The following ABCA6 variants were observed in gnomAD, a reference collection of about 807,000 sequenced individuals.
ABCA6 encodes the protein ATP binding cassette subfamily A member 6.
ABCA6 carries 164 observed loss-of-function variants against 191.2 expected under a neutral mutation model. The ratio of observed to expected loss-of-function variants is 0.86; its 90% CI spans 0.76 to 0.98. The LOEUF is 0.98. Among genes scored for constraint, ABCA6 ranks in the 50% least tolerant of loss-of-function variants. The pLI, the probability that ABCA6 is intolerant of heterozygous loss-of-function variation, is 0.00. For missense variants in ABCA6, 1,958 were observed against 1,894.1 expected (o/e 1.03, Z -0.63); for synonymous variants, 636 against 647.7 (o/e 0.98, Z 0.27).
At chr17:69,118,026 T>G in intron 10 of ABCA6, 70 bp from the exon 11 acceptor site, 1 of 1,080,886 alleles carries the variant, frequency 9.3e-7, no homozygotes, top group Non-Finnish European at 1.4e-6. Context: ...TTTATAGCCC[T>G]AGTCATAGTG....
At chr17:69,132,368 T>C (rs1270399827) in intron 6 of ABCA6, among the ~76,000 whole-genome samples, 4 of 152,218 alleles carry the variant, frequency 2.6e-5, no homozygotes, top group Non-Finnish European at 5.9e-5. Flanking sequence ...TTGATAGTAT[T>C]GCAAAAGCCT....
intron 3 of ABCA6, among the ~76,000 whole-genome samples, chr17:69,136,555 GA>G (rs1328749285): frequency 6.6e-6 from 1 of 152,158 alleles, no homozygotes; most frequent in Non-Finnish European, 1.5e-5. Context: ...TACAAAAACA[GA>G]ATTAATTGTT....
chr17:69,119,264 C>T (rs914898877), intron 10 of ABCA6, among the ~76,000 whole-genome samples: 1 of 152,070 alleles, frequency 6.6e-6, no homozygotes, highest in Non-Finnish European at 1.5e-5. Context: ...AAACCCATTT[C>T]CCCATCACGC....
intron 7 of ABCA6, 70 bp downstream of exon 7, chr17:69,129,540 G>C (rs1285834524): frequency 4.5e-6 from 6 of 1,320,692 alleles, no homozygotes; most frequent in Admixed American, 2.2e-5. Context: ...TAACCTACTA[G>C]GGCATTAATA....
chr17:69,137,182 T>C lies in ABCA6; in HGVS notation c.301+114A>G, dbSNP rs576432796. 34 of 954,916 alleles carry C rather than the reference T, an allele frequency of 3.6e-5. No individual in the cohort carries two copies. The South Asian group carries it at 5.7e-4, about 16-fold the overall frequency. 59.2% of individuals were successfully genotyped at this position (954,916 alleles called of 1,614,324 possible). A position where few individuals can be genotyped will look rare whatever the true frequency, so the allele number is the denominator to read the frequency against. On this transcript the variant is annotated intron_variant, in intron 3 of 38. Coordinates refer to ENST00000284425, the MANE Select transcript of ABCA6 (RefSeq NM_080284.3). Reference sequence around the variant, plus strand: ...TAACCAGATTTGTATGCTATTTTAGTACTTAAGTTATTAGCATAATATATG... The same window carrying C: ...TAACCAGATTTGTATGCTATTTTAGCACTTAAGTTATTAGCATAATATATG...
chr17:69,108,668 T>C (rs895617047), intron 17 of ABCA6: 5 of 152,170 alleles, frequency 3.3e-5, no homozygotes, highest in Non-Finnish European at 1.5e-5. Flanking sequence ...AGAAGACTCT[T>C]AGATGCTACT....
Position 69,078,937 on chromosome 17 carries a change from A to G in ABCA6, c.*36T>C. 1 of 1,313,928 alleles carries G rather than the reference A, an allele frequency of 7.6e-7. No individual in the cohort carries two copies. The highest frequency in any genetic ancestry group is 1.1e-6 in the Non-Finnish European group (1 of 926,622). 81.4% of individuals were successfully genotyped at this position (1,313,928 alleles called of 1,614,324 possible). ...TAATTATTACATAAAACATGAGTTT[A>G]TAGGAGATCAACAAAAAATTACTAG... On this transcript the variant is annotated 3_prime_UTR_variant, in exon 39 of 39. Coordinates refer to ENST00000284425, the MANE Select transcript of ABCA6 (RefSeq NM_080284.3).
At chr17:69,134,996 C>T (rs1000664171) in intron 4 of ABCA6, among the ~76,000 whole-genome samples, 1 of 148,432 alleles carries the variant, frequency 6.7e-6, no homozygotes, top group Middle Eastern at 3.6e-3. Flanking sequence ...GATTCTCCTA[C>T]CTCAGCCTCC....
rs58333377 is a variant in ABCA6, at chr17:69,134,888, CTT to C, written c.461-148_461-147del. ...GGTGTTTCGTTTTTGTTGTGGTTGT[CTT>C]TTTTTTTTTGGAGATGAAGTCTCAC... On this transcript the variant is annotated intron_variant, in intron 4 of 38. Coordinates refer to ENST00000284425, the MANE Select transcript of ABCA6 (RefSeq NM_080284.3). 7.7e-5 allele frequency: 24 copies of C among 312,814 alleles called. 1 individual carries two copies. The highest frequency in any genetic ancestry group is 2.3e-4 in the East Asian group (2 of 8,720). The allele number at this position is 312,814 out of a possible 1,614,324, so 19.4% of individuals were successfully genotyped here.
At chr17:69,091,967 C>T (rs533095364) in intron 25 of ABCA6, among the ~76,000 whole-genome samples, 1 of 151,982 alleles carries the variant, frequency 6.6e-6, no homozygotes, top group African/African-American at 2.4e-5. Context: ...TAAAAAAAAA[C>T]CAAACAATCC....
chr17:69,119,868 A>G (rs150851588), intron 10 of ABCA6, among the ~76,000 whole-genome samples: 34 of 152,218 alleles, frequency 2.2e-4, no homozygotes, highest in African/African-American at 7.5e-4. Context: ...ATATTTTTCA[A>G]TGTCAGAAAA....
At chr17:69,123,609 A>G (rs2073692879) in intron 9 of ABCA6, among the ~76,000 whole-genome samples, 2 of 152,102 alleles carry the variant, frequency 1.3e-5, no homozygotes, top group East Asian at 3.9e-4. Context: ...ATATTGCAAA[A>G]TTAAACAATA....
intron 9 of ABCA6, among the ~76,000 whole-genome samples, chr17:69,124,163 A>G (rs1177334916): frequency 4.6e-5 from 7 of 151,988 alleles, no homozygotes; most frequent in Non-Finnish European, 4.4e-5. Flanking sequence ...ATATTTTTCC[A>G]GTTTAAAAAA....
At chr17:69,126,177 G>A (rs978396807) in intron 8 of ABCA6, among the ~76,000 whole-genome samples, 4 of 152,078 alleles carry the variant, frequency 2.6e-5, no homozygotes, top group African/African-American at 9.7e-5. Flanking sequence ...TTTAGTAAGA[G>A]AATATAGCAA....
intron 2 of ABCA6, among the ~76,000 whole-genome samples, chr17:69,140,313 A>AT (rs1183196883): frequency 2.6e-5 from 4 of 151,628 alleles, no homozygotes; most frequent in East Asian, 3.9e-4. Context: ...TTCTGACAAC[A>AT]TTTTTTTTGT....
At chr17:69,108,117 C>T (rs1014977741) in intron 17 of ABCA6, 4 of 295,698 alleles carry the variant, frequency 1.4e-5, no homozygotes, top group African/African-American at 9.1e-5. Context: ...CACCTCCACA[C>T]TACAAACCCA....
intron 2 of ABCA6, among the ~76,000 whole-genome samples, chr17:69,138,430 A>G (rs2073981753): frequency 1.3e-5 from 2 of 152,142 alleles, no homozygotes; most frequent in Non-Finnish European, 2.9e-5. Context: ...CTTTGAAGCA[A>G]TTGTGAATGG....
At chr17:69,097,487 G>A (rs991584584) in intron 23 of ABCA6, among the ~76,000 whole-genome samples, 3 of 152,064 alleles carry the variant, frequency 2.0e-5, no homozygotes, top group Admixed American at 1.3e-4. Context: ...TCAGGATGGT[G>A]AACGTTGATA....
intron 8 of ABCA6, among the ~76,000 whole-genome samples, chr17:69,127,098 G>A (rs1188226740): frequency 1.3e-5 from 2 of 152,138 alleles, no homozygotes; most frequent in Non-Finnish European, 2.9e-5. Flanking sequence ...GGATATTTGT[G>A]TAGCAAAATT....
Sources: allele counts gnomAD v4.1 joint callset (sites outside exome capture counted in the v4.1 genomes callset), GRCh38; gene constraint gnomAD v4.1.1; transcripts MANE v1.5; gene names NCBI Gene and HGNC (gene_info 2026-07-23, HGNC 2026-07-21).